The following LRGUK variants were observed in gnomAD, a reference collection of about 807,000 sequenced individuals.
LRGUK encodes leucine rich repeats and guanylate kinase domain containing, also known as leucine-rich repeat and guanylate kinase domain-containing protein.
In LRGUK, 65 loss-of-function variants were observed where a neutral mutation model predicts 76.0. That is an observed-to-expected ratio of 0.85 (90% CI 0.70 to 1.05). LRGUK has a LOEUF of 1.05. LRGUK is among the 50% of genes least tolerant of loss of function. LRGUK has a pLI of 0.00. For missense variants in LRGUK, 758 were observed against 732.8 expected (o/e 1.03, Z -0.40); for synonymous variants, 268 against 265.6 (o/e 1.01, Z -0.09).
chr7:134,143,066 A>C (rs749068774), exon 4 of LRGUK: 1 of 1,556,220 alleles, frequency 6.4e-7, no homozygotes, highest in Admixed American at 1.7e-5. Flanking sequence ...CCGTAGATTT[A>C]TCTTGTGTGA....
downstream of LRGUK, among the ~76,000 whole-genome samples, chr7:134,267,182 A>G (rs1320555760): frequency 6.6e-6 from 1 of 152,206 alleles, no homozygotes; most frequent in African/African-American, 2.4e-5. Flanking sequence ...AACCTGAAAG[A>G]TCATGAAGGA....
At chr7:134,182,671 A>G (rs980324335) in intron 10 of LRGUK, among the ~76,000 whole-genome samples, 3 of 152,082 alleles carry the variant, frequency 2.0e-5, no homozygotes, top group Middle Eastern at 3.2e-3. Flanking sequence ...TTAAAATTTT[A>G]TATTTTATTC....
intron 7 of LRGUK, among the ~76,000 whole-genome samples, chr7:134,169,813 T>G (rs973982811): frequency 6.6e-6 from 1 of 152,164 alleles, no homozygotes; most frequent in African/African-American, 2.4e-5. Context: ...TTAAAATTTG[T>G]TGTAGTATAT....
In LRGUK at chr7:134,136,983, G is replaced by A. The variant is rs768661368; in HGVS notation, c.298-40G>A. Reference sequence around the variant, plus strand: ...CAAGATAGATTGTTTCTTTTCTAATGAGAATCTTTTCTTTGTCTACCTTTC... The same window carrying A: ...CAAGATAGATTGTTTCTTTTCTAATAAGAATCTTTTCTTTGTCTACCTTTC... On this transcript the variant is annotated intron_variant, in intron 1 of 15. Transcript: ENST00000645682. 8 of 1,425,756 alleles carry A rather than the reference G, an allele frequency of 5.6e-6. No homozygotes were observed. In the South Asian group the frequency reaches 6.0e-5, roughly 11 times the overall value. 88.3% of individuals were successfully genotyped at this position (1,425,756 alleles called of 1,614,324 possible). A position where few individuals can be genotyped will look rare whatever the true frequency, so the allele number is the denominator to read the frequency against.
Position 134,202,285 on chromosome 7 carries a change from C to T in LRGUK, c.1843+709C>T, listed in dbSNP as rs1340968647. 2.0e-5 allele frequency among the ~76,000 whole-genome samples: 3 copies of T among 150,944 alleles called. No homozygotes were observed. In the East Asian group the frequency reaches 5.8e-4, roughly 29 times the overall value. ...AAAAGTCTCCCTTTAATCCACCTCA[C>T]AACTATTAGGATGGCTACTATAAAA... On this transcript the variant is annotated intron_variant, in intron 15 of 15. Transcript: ENST00000645682.
At chr7:134,183,941 C>A in intron 11 of LRGUK, 88 bp downstream of exon 11, 2 of 1,461,712 alleles carry the variant, frequency 1.4e-6, no homozygotes, top group Admixed American at 1.9e-5. Context: ...TCCGATATTG[C>A]TAATGTTGGC....
intron 15 of LRGUK, among the ~76,000 whole-genome samples, chr7:134,217,422 C>T (rs1801464294): frequency 2.6e-5 from 4 of 152,128 alleles, no homozygotes; most frequent in Non-Finnish European, 5.9e-5. Context: ...TAGCACTTCA[C>T]TGTTAGTATA....
intron 7 of LRGUK, among the ~76,000 whole-genome samples, chr7:134,165,574 T>C (rs79476232): frequency 0.017 from 2,633 of 152,340 alleles, 80 homozygotes; most frequent in African/African-American, 0.055. Context: ...ATTTTAATAA[T>C]GCATTTTACT....
chr7:134,236,190 C>A (rs1469083025), intron 16 of LRGUK, among the ~76,000 whole-genome samples: 1 of 152,126 alleles, frequency 6.6e-6, no homozygotes, highest in Non-Finnish European at 1.5e-5. Flanking sequence ...CAAGTTGGGA[C>A]ATGGAACTTT....
chr7:134,177,948 G>A (rs1799550764), intron 9 of LRGUK, among the ~76,000 whole-genome samples: 1 of 152,138 alleles, frequency 6.6e-6, no homozygotes, highest in Non-Finnish European at 1.5e-5. Context: ...AAGACAAGGG[G>A]ATGAAGAACT....
chr7:134,178,657 A>G (rs762032983), intron 10 of LRGUK, 48 bp downstream of exon 10: 1 of 1,457,236 alleles, frequency 6.9e-7, no homozygotes, highest in South Asian at 1.2e-5. Flanking sequence ...AGCAAGCAAA[A>G]GACAGCCTCA....
At chr7:134,197,789 A>G (rs1418184887) in intron 13 of LRGUK, among the ~76,000 whole-genome samples, 10 of 152,218 alleles carry the variant, frequency 6.6e-5, no homozygotes, top group Non-Finnish European at 1.0e-4. Context: ...ATCCAGAGTA[A>G]AACTATGAAT....
intron 16 of LRGUK, among the ~76,000 whole-genome samples, chr7:134,236,647 T>C (rs191307783): frequency 6.6e-6 from 1 of 152,230 alleles, no homozygotes; most frequent in Non-Finnish European, 1.5e-5. Context: ...AGATAACATC[T>C]GTTTTTCTCT....
At chr7:134,238,442 A>G (rs1391658377) in intron 16 of LRGUK, among the ~76,000 whole-genome samples, 1 of 151,406 alleles carries the variant, frequency 6.6e-6, no homozygotes, top group Non-Finnish European at 1.5e-5. Context: ...TTTCTTTTTT[A>G]TTTAAAATTT....
At chr7:134,178,097 C>T (rs73159167) in intron 9 of LRGUK, among the ~76,000 whole-genome samples, 2,280 of 152,142 alleles carry the variant, frequency 0.015, 31 homozygotes, top group Non-Finnish European at 0.02. Context: ...TGCATCAAAA[C>T]CTGGAATCTA....
downstream of LRGUK, among the ~76,000 whole-genome samples, chr7:134,267,839 T>G (rs1466065975): frequency 1.3e-5 from 2 of 152,058 alleles, no homozygotes; most frequent in East Asian, 1.9e-4. Context: ...ACTATTTGGG[T>G]GACGGGTTCA....
At chr7:134,186,339 C>A (rs1304237004) in intron 11 of LRGUK, among the ~76,000 whole-genome samples, 2 of 152,198 alleles carry the variant, frequency 1.3e-5, no homozygotes, top group African/African-American at 4.8e-5. Context: ...AATTAGAATG[C>A]TTATCCATCA....
At chr7:134,268,444 C>A (rs959360722), downstream of LRGUK, among the ~76,000 whole-genome samples, 8 of 151,844 alleles carry the variant, frequency 5.3e-5, no homozygotes, top group African/African-American at 1.9e-4. Context: ...TTTGAATAAG[C>A]CTATAAATAT....
At chr7:134,171,788 G>A (rs1388985203) in intron 7 of LRGUK, among the ~76,000 whole-genome samples, 2 of 152,190 alleles carry the variant, frequency 1.3e-5, no homozygotes, top group Non-Finnish European at 2.9e-5. Context: ...CTCTACTCCT[G>A]CTGTAAAAGT....
Sources: gnomAD v4.1 joint callset for allele counts (sites outside exome capture counted in the v4.1 genomes callset) on GRCh38, gnomAD v4.1.1 for gene constraint, MANE v1.5 for transcripts, NCBI Gene and HGNC (gene_info 2026-07-23, HGNC 2026-07-21) for gene names.